Variants in RTN3 observed in about 807,000 individuals in gnomAD.
RTN3 encodes the protein reticulon 3.
In RTN3, 49 loss-of-function variants were observed where a neutral mutation model predicts 77.8. That is an observed-to-expected ratio of 0.63 (90% CI 0.50 to 0.80). The LOEUF (loss-of-function observed/expected upper bound fraction) is 0.80, where lower values mean the gene tolerates loss of function less well. Ranked by LOEUF, RTN3 falls within the 30% of genes least tolerant of loss-of-function variation. RTN3 has a pLI of 0.00. For missense variants in RTN3, 1,236 were observed against 1,211.9 expected, an observed-to-expected ratio of 1.02 and a Z score of -0.29; for synonymous variants, 464 against 446.9, an observed-to-expected ratio of 1.04 and a Z score of -0.48.
chr11:63,720,423 A>G lies in RTN3; in HGVS notation c.1921A>G (p.Lys641Glu), dbSNP rs374913700. The change falls in exon 3 of 9, where the codon AAA (lysine) becomes GAA (glutamate). Residue 641 changes from lysine (K) to glutamate (E), a missense_variant. Lys to Glu is a moderately conservative substitution (Grantham distance 56). Coordinates refer to ENST00000377819, the MANE Select transcript of RTN3 (RefSeq NM_001265589.2). ...TGCCTATTTGGAGTCATTACATGGG[A>G]AAAATGTTAAACATATAGATGATTC... ...TSAYLESLHG[K>E]NVKHIDDSSP... The G allele has an allele frequency of 2.1e-5, 34 of 1,613,434 alleles. No individual in the cohort carries two copies. In the African/African-American group the frequency reaches 4.3e-4, roughly 20 times the overall value.
intron 3 of RTN3, among the ~76,000 whole-genome samples, chr11:63,725,939 C>T (rs1467849781): frequency 6.6e-6 from 1 of 152,076 alleles, no homozygotes; most frequent in Non-Finnish European, 1.5e-5. Flanking sequence ...TTGTTCAGCA[C>T]CCAGCAGATG....
intron 4 of RTN3, among the ~76,000 whole-genome samples, chr11:63,751,311 T>C (rs1157814327): frequency 6.6e-6 from 1 of 152,236 alleles, no homozygotes; most frequent in Non-Finnish European, 1.5e-5. Context: ...TGTGCTTTGG[T>C]AATACCAGAA....
At chr11:63,718,429 A>G (rs1412292597) in intron 2 of RTN3, among the ~76,000 whole-genome samples, 1 of 152,190 alleles carries the variant, frequency 6.6e-6, no homozygotes, top group Non-Finnish European at 1.5e-5. Flanking sequence ...GTACAATGGA[A>G]AAGTAGACCA....
At chr11:63,753,823 A>C in intron 7 of RTN3, 115 bp downstream of exon 7, 1 of 962,644 alleles carries the variant, frequency 1.0e-6, no homozygotes, top group South Asian at 1.7e-5. Flanking sequence ...TCTACAATCT[A>C]ATTTTGTGAG....
chr11:63,748,313 A>T (rs1217461720), intron 3 of RTN3, among the ~76,000 whole-genome samples: 1 of 148,692 alleles, frequency 6.7e-6, no homozygotes, highest in Non-Finnish European at 1.5e-5. Flanking sequence ...TTCTACTTAA[A>T]CTCATTTCCT....
chr11:63,731,250 T>C (rs1369228812), intron 3 of RTN3, among the ~76,000 whole-genome samples: 1 of 152,062 alleles, frequency 6.6e-6, no homozygotes, highest in Non-Finnish European at 1.5e-5. Context: ...CCACTAATTT[T>C]TGTATTTTAA....
chr11:63,702,422 C>G (rs1231697190), intron 1 of RTN3, among the ~76,000 whole-genome samples: 1 of 150,814 alleles, frequency 6.6e-6, no homozygotes, highest in African/African-American at 2.4e-5. Flanking sequence ...TCAAGTGATT[C>G]TCCTGCCTCA....
At chr11:63,745,873 C>T (rs1205140115) in intron 3 of RTN3, among the ~76,000 whole-genome samples, 1 of 152,212 alleles carries the variant, frequency 6.6e-6, no homozygotes, top group African/African-American at 2.4e-5. Flanking sequence ...TGCAAAGGTG[C>T]GATCTCGGCT....
At chr11:63,745,462 T>G (rs574988073) in intron 3 of RTN3, among the ~76,000 whole-genome samples, 27 of 152,302 alleles carry the variant, frequency 1.8e-4, no homozygotes, top group Non-Finnish European at 3.7e-4. Context: ...CTGGTCAGTG[T>G]CTGAGGAAGT....
chr11:63,703,933 A>AGG (rs1322050024), intron 1 of RTN3, among the ~76,000 whole-genome samples: 2 of 152,116 alleles, frequency 1.3e-5, no homozygotes, highest in Non-Finnish European at 2.9e-5. Context: ...GGGGACTGGG[A>AGG]GGAGAATATG....
chr11:63,739,103 G>C (rs974469924), intron 3 of RTN3, among the ~76,000 whole-genome samples: 2 of 152,062 alleles, frequency 1.3e-5, no homozygotes, highest in African/African-American at 4.8e-5. Context: ...TAAAAAGAAG[G>C]AATCAGTCGT....
At chr11:63,693,651 C>T (rs977839193) in intron 1 of RTN3, among the ~76,000 whole-genome samples, 1 of 152,080 alleles carries the variant, frequency 6.6e-6, no homozygotes, top group African/African-American at 2.4e-5. Context: ...TGGATGTATC[C>T]ATTTAAGTGC....
At chr11:63,708,967 T>G (rs770692160) in intron 2 of RTN3, among the ~76,000 whole-genome samples, 2 of 152,222 alleles carry the variant, frequency 1.3e-5, no homozygotes, top group Non-Finnish European at 2.9e-5. Context: ...TTCACATGAA[T>G]CATCTCATTT....
chr11:63,704,765 G>C, intron 1 of RTN3, 86 bp from the exon 2 acceptor site: 2 of 929,172 alleles, frequency 2.2e-6, no homozygotes, highest in Non-Finnish European at 3.5e-6. Flanking sequence ...TATGATGCTT[G>C]GCTCTTCCTC....
At chr11:63,746,445 T>C (rs1021500794) in intron 3 of RTN3, among the ~76,000 whole-genome samples, 1 of 152,238 alleles carries the variant, frequency 6.6e-6, no homozygotes, top group Non-Finnish European at 1.5e-5. Context: ...GGAGTGTGTT[T>C]CCATTGAACA....
chr11:63,683,792 T>G (rs1941192265), intron 1 of RTN3, among the ~76,000 whole-genome samples: 1 of 152,148 alleles, frequency 6.6e-6, no homozygotes, highest in South Asian at 2.1e-4. Context: ...TTTATAATAG[T>G]GGAAAAGGTG....
chr11:63,718,821 G>A lies in RTN3; in HGVS notation c.319G>A (p.Val107Met). Residue 107 changes from valine (V) to methionine (M), a missense_variant, in exon 3 of 9, where the codon GTG (valine) becomes ATG (methionine). Around this residue, in one of 3 missense-constraint regions of RTN3, gnomAD observed 1,056 missense variants for 990.4 expected, o/e 1.07. Coordinates refer to ENST00000377819, the MANE Select transcript of RTN3 (RefSeq NM_001265589.2). ...AATACTACATGGAGAAAAAAGCCAT[G>A]TGTTAGGGAGCCAGCCTATTTTAGC... is the stretch of plus-strand genomic sequence containing the variant. ...LTILHGEKSH[V>M]LGSQPILAKE... The A allele has an allele frequency of 1.2e-6, 2 of 1,614,138 alleles. No individual in the cohort carries two copies. The highest frequency in any genetic ancestry group is 1.7e-6 in the Non-Finnish European group (2 of 1,180,028).
chr11:63,756,072 TG>T (rs1203516136), intron 7 of RTN3, 39 bp from the exon 8 acceptor site: 1 of 1,455,156 alleles, frequency 6.9e-7, no homozygotes, highest in South Asian at 1.1e-5. Context: ...ATTGGTGATC[TG>T]TATGTTACCA....
chr11:63,694,604 C>T (rs916691948), intron 1 of RTN3, among the ~76,000 whole-genome samples: 1 of 152,018 alleles, frequency 6.6e-6, no homozygotes, highest in African/African-American at 2.4e-5. Context: ...TCCGGAGTAG[C>T]TAGGACTGTA....
Sources: gnomAD v4.1 joint callset for allele counts (sites outside exome capture counted in the v4.1 genomes callset) on GRCh38, gnomAD v4.1.1 for gene constraint, gnomAD v4.1.1 regional missense constraint, MANE v1.5 for transcripts, NCBI Gene and HGNC (gene_info 2026-07-23, HGNC 2026-07-21) for gene names.